SDHAF3: variants seen among roughly 807,000 people sequenced by gnomAD.
The protein encoded by SDHAF3 is succinate dehydrogenase complex assembly factor 3.
A neutral mutation model predicts 11.5 loss-of-function variants in SDHAF3; 18 were observed. That is an observed-to-expected ratio of 1.56 (90% CI 1.08 to 2.32). SDHAF3 has a LOEUF of 2.32. SDHAF3 is among the 30% of genes most tolerant of loss of function. The pLI is 0.00. For missense variants in SDHAF3, 200 were observed against 154.4 expected, an observed-to-expected ratio of 1.30 and a Z score of -1.57; for synonymous variants, 72 against 59.3, an observed-to-expected ratio of 1.21 and a Z score of -0.99.
chr7:97,151,634 G>A (rs1789225010), intron 1 of SDHAF3, among the ~76,000 whole-genome samples: 1 of 152,010 alleles, frequency 6.6e-6, no homozygotes, highest in African/African-American at 2.4e-5. Context: ...GAGTAGCTGG[G>A]ACTACAGGCG....
intron 1 of SDHAF3, among the ~76,000 whole-genome samples, chr7:97,174,844 A>G (rs958997066): frequency 1.3e-5 from 2 of 152,124 alleles, no homozygotes; most frequent in Admixed American, 1.3e-4. Context: ...CTTCACTGTA[A>G]AGTTGCTATT....
rs376950345 is a variant in SDHAF3, at chr7:97,135,888, C to T, written c.174+17991C>T. 1.7e-4 allele frequency among the ~76,000 whole-genome samples: 25 copies of T among 151,284 alleles called. No individual in the cohort carries two copies. In the East Asian group the frequency reaches 3.1e-3, roughly 19 times the overall value. ...ATTTTTAGTAGAGACGGGGTTTCAC[C>T]GTGTTAGCCAGGATGGTCTCGATCT... On this transcript the variant is annotated intron_variant, in intron 1 of 1. Transcript: ENST00000432641.
intron 1 of SDHAF3, among the ~76,000 whole-genome samples, chr7:97,121,838 T>C (rs892594566): frequency 2.0e-5 from 3 of 147,092 alleles, no homozygotes; most frequent in African/African-American, 7.7e-5. Context: ...ATGAGGTTTT[T>C]TGGTTTTTTT....
intron 1 of SDHAF3, among the ~76,000 whole-genome samples, chr7:97,129,478 T>G (rs551643018): frequency 3.0e-4 from 45 of 152,326 alleles, no homozygotes; most frequent in African/African-American, 9.6e-4. Flanking sequence ...TCATTATGGA[T>G]TATTCCTTTT....
chr7:97,172,887 C>G (rs1038204612), intron 1 of SDHAF3, among the ~76,000 whole-genome samples: 3 of 152,176 alleles, frequency 2.0e-5, no homozygotes, highest in African/African-American at 4.8e-5. Flanking sequence ...AAGGCTTTAT[C>G]AAAGAACTGT....
At chr7:97,144,109 A>G (rs373575336) in intron 1 of SDHAF3, among the ~76,000 whole-genome samples, 1 of 151,946 alleles carries the variant, frequency 6.6e-6, no homozygotes, top group Admixed American at 6.6e-5. Context: ...GTTTTTTCAT[A>G]TGGTCATCGG....
intron 1 of SDHAF3, among the ~76,000 whole-genome samples, chr7:97,155,437 C>T (rs889867249): frequency 5.3e-5 from 8 of 152,114 alleles, no homozygotes; most frequent in Non-Finnish European, 1.2e-4. Flanking sequence ...AACTTCTTAT[C>T]CTTTTAGACT....
rs1172687872 is a variant in SDHAF3, at chr7:97,181,188, TTC to T, written c.353_354del (p.Ser118Ter). On this transcript the variant is annotated frameshift_variant, in exon 2 of 2. Coordinates refer to ENST00000432641, the MANE Select transcript of SDHAF3 (RefSeq NM_020186.3). LOFTEE classifies it high-confidence loss of function. ...CAAAACCCAATAGGCAATTTAGTAT[TTC>T]TGAGTCTATGAAACCAAAATTTTAG... ...ATKPNRQFSISESMKPKF is the reference protein window; with the variant it reads ...ATKPNRQFSIXESMKPKF 8 of 1,613,470 alleles carry T rather than the reference TTC, an allele frequency of 5.0e-6. No individual in the cohort carries two copies. Among genetic ancestry groups the T allele is most frequent in the Non-Finnish European group, 6.8e-6 (8 of 1,179,838 alleles).
chr7:97,141,902 A>T (rs899887261), intron 1 of SDHAF3, among the ~76,000 whole-genome samples: 1 of 152,160 alleles, frequency 6.6e-6, no homozygotes. Context: ...TTAATGGGAC[A>T]GTAGTATGTT....
rs371380686 is a variant in SDHAF3 at position 97,117,723 on chromosome 7, T to C, written c.-1T>C. The C allele has an allele frequency of 3.1e-6, 5 of 1,611,472 alleles. No individual in the cohort carries two copies. Among genetic ancestry groups the C allele is most frequent in the Non-Finnish European group, 4.2e-6 (5 of 1,178,590 alleles). On this transcript the variant is annotated 5_prime_UTR_variant, in exon 1 of 2. Transcript: ENST00000432641. ...GCAGTCGGCGGTCGGCGTGGGGCGC[T>C]ATGCCGGGGCGGCACGTTTCTCGAG...
rs775543999 is a variant in SDHAF3, at chr7:97,117,806, A to G, written c.83A>G (p.Lys28Arg). 1.9e-6 allele frequency: 3 copies of G among 1,614,136 alleles called. No homozygotes were observed. In the East Asian group the frequency reaches 6.7e-5, roughly 36 times the overall value. ...CACCGTGTTCTGCCCCCGGACCTCA[A>G]ATCCCTGGGCGACCAGTACGTGAAA... ...QLHRVLPPDLKSLGDQYVKDE... is the reference protein window; with the variant it reads ...QLHRVLPPDLRSLGDQYVKDE... Residue 28 changes from lysine to arginine, a missense_variant, in exon 1 of 2, where the codon AAA (lysine) becomes AGA (arginine). By Grantham distance (26) the Lys-to-Arg change is conservative. Coordinates refer to ENST00000432641, the MANE Select transcript of SDHAF3 (RefSeq NM_020186.3).
intron 1 of SDHAF3, among the ~76,000 whole-genome samples, chr7:97,139,135 T>C (rs1788987938): frequency 6.6e-6 from 1 of 152,248 alleles, no homozygotes; most frequent in South Asian, 2.1e-4. Flanking sequence ...TTACAGCCTT[T>C]TTCCTACCTG....
rs1390435501 is a variant in SDHAF3, at chr7:97,181,718, C to CTAT, written c.*505_*507dup. ...GGTTAGGAAGAAGCTTTAAAATTCA[C>CTAT]TATTTTACTATCAATCATTTGTATA... On this transcript the variant is annotated 3_prime_UTR_variant, in exon 2 of 2. Coordinates refer to ENST00000432641, the MANE Select transcript of SDHAF3 (RefSeq NM_020186.3). 1 of 153,462 alleles carries CTAT rather than the reference C, an allele frequency of 6.5e-6. No homozygotes were observed. The highest frequency in any genetic ancestry group is 1.5e-5 in the Non-Finnish European group (1 of 68,960). The allele number at this position is 153,462 out of a possible 1,614,324, so 9.5% of individuals were successfully genotyped here.
chr7:97,165,208 A>G (rs1360792003), intron 1 of SDHAF3, among the ~76,000 whole-genome samples: 3 of 152,074 alleles, frequency 2.0e-5, no homozygotes, highest in African/African-American at 4.8e-5. Flanking sequence ...AATGGCGTGA[A>G]CCCAGGAGGC....
At chr7:97,155,380 A>T (rs1789286329) in intron 1 of SDHAF3, among the ~76,000 whole-genome samples, 1 of 152,114 alleles carries the variant, frequency 6.6e-6, no homozygotes, top group South Asian at 2.1e-4. Flanking sequence ...ACTCCTGTGC[A>T]TACTGGTCCT....
chr7:97,128,246 C>G (rs549147700), intron 1 of SDHAF3, among the ~76,000 whole-genome samples: 1 of 152,168 alleles, frequency 6.6e-6, no homozygotes, highest in African/African-American at 2.4e-5. Context: ...AGATACAAAA[C>G]AGTTTATCCT....
intron 1 of SDHAF3, among the ~76,000 whole-genome samples, chr7:97,124,734 A>G (rs1415194133): frequency 6.6e-6 from 1 of 152,066 alleles, no homozygotes; most frequent in Non-Finnish European, 1.5e-5. Flanking sequence ...TTGTATTTCT[A>G]GGTATTTTAT....
At chr7:97,128,376 A>G (rs1422834499) in intron 1 of SDHAF3, among the ~76,000 whole-genome samples, 1 of 152,222 alleles carries the variant, frequency 6.6e-6, no homozygotes, top group African/African-American at 2.4e-5. Context: ...ATGTGTTATA[A>G]CAATGCTCAT....
intron 1 of SDHAF3, among the ~76,000 whole-genome samples, chr7:97,124,324 A>G (rs186055887): frequency 3.7e-4 from 57 of 152,170 alleles, no homozygotes; most frequent in African/African-American, 1.4e-3. Flanking sequence ...GTTATTTCTG[A>G]GGCCTCTGTT....
Sources: allele counts gnomAD v4.1 joint callset (sites outside exome capture counted in the v4.1 genomes callset), GRCh38; gene constraint gnomAD v4.1.1; transcripts MANE v1.5; gene names NCBI Gene and HGNC (gene_info 2026-07-23, HGNC 2026-07-21).